KCND2: variants seen among roughly 807,000 people sequenced by gnomAD.
The protein encoded by KCND2 is A-type voltage-gated potassium channel KCND2.
Under a neutral mutation model 54.4 loss-of-function variants are expected in KCND2, and 16 were observed. The ratio of observed to expected loss-of-function variants is 0.29; its 90% CI spans 0.20 to 0.45. The LOEUF is 0.45. Ranked by LOEUF, KCND2 falls within the 20% of genes least tolerant of loss-of-function variation. The probability of loss-of-function intolerance (pLI) is 1.00; values close to 1 mark genes in which losing one functional copy is unlikely to be tolerated. For synonymous variants in KCND2, 317 were observed against 310.7 expected, an observed-to-expected ratio of 1.02 and a Z score of -0.21; for missense variants, 486 against 824.2, an observed-to-expected ratio of 0.59 and a Z score of 5.02.
At chr7:120,309,745 C>T (rs1799708608) in intron 1 of KCND2, among the ~76,000 whole-genome samples, 1 of 151,848 alleles carries the variant, frequency 6.6e-6, no homozygotes. Flanking sequence ...TCACTTAACC[C>T]TTCTAATCCA....
chr7:120,684,077 A>C (rs2116593492), intron 1 of KCND2, among the ~76,000 whole-genome samples: 1 of 152,256 alleles, frequency 6.6e-6, no homozygotes, highest in Admixed American at 6.6e-5. Context: ...TGTAATAAGA[A>C]AATGGAGTAC....
At chr7:120,644,907 G>A (rs762477493) in intron 1 of KCND2, among the ~76,000 whole-genome samples, 5 of 151,972 alleles carry the variant, frequency 3.3e-5, no homozygotes, top group East Asian at 3.8e-4. Context: ...AATATTTATT[G>A]AATGAATTCA....
intron 1 of KCND2, among the ~76,000 whole-genome samples, chr7:120,467,857 C>T (rs537215042): frequency 6.6e-6 from 1 of 152,114 alleles, no homozygotes; most frequent in Non-Finnish European, 1.5e-5. Flanking sequence ...AACCATTAGA[C>T]AATGAAAGTT....
intron 1 of KCND2, among the ~76,000 whole-genome samples, chr7:120,653,536 A>G (rs369145741): frequency 5.9e-5 from 9 of 152,176 alleles, no homozygotes; most frequent in East Asian, 1.9e-4. Flanking sequence ...GTTCCAAACC[A>G]TGTGTTTGGT....
chr7:120,303,482 C>T (rs2116299465), intron 1 of KCND2, among the ~76,000 whole-genome samples: 1 of 152,196 alleles, frequency 6.6e-6, no homozygotes, highest in South Asian at 2.1e-4. Flanking sequence ...ATGCTTTCTC[C>T]TAAAGTATCA....
intron 1 of KCND2, among the ~76,000 whole-genome samples, chr7:120,460,849 C>T (rs1802274238): frequency 6.6e-6 from 1 of 152,138 alleles, no homozygotes; most frequent in Non-Finnish European, 1.5e-5. Flanking sequence ...AGGCTTGGCA[C>T]ACTTCTGTAC....
At chr7:120,397,697 T>A (rs1342322566) in intron 1 of KCND2, among the ~76,000 whole-genome samples, 1 of 151,928 alleles carries the variant, frequency 6.6e-6, no homozygotes, top group Non-Finnish European at 1.5e-5. Flanking sequence ...TTCTGTTAGA[T>A]GAATTTTGTA....
At chr7:120,403,865 TA>T (rs933577319) in intron 1 of KCND2, among the ~76,000 whole-genome samples, 118 of 151,946 alleles carry the variant, frequency 7.8e-4, no homozygotes, top group African/African-American at 2.7e-3. Flanking sequence ...CTTCTGCCTA[TA>T]AAAAAAATTA....
intron 1 of KCND2, among the ~76,000 whole-genome samples, chr7:120,652,570 A>G (rs1159416356): frequency 2.0e-5 from 3 of 152,238 alleles, no homozygotes; most frequent in Non-Finnish European, 2.9e-5. Context: ...TAGCATATAT[A>G]ACTAATTAGA....
At chr7:120,347,577 G>C (rs1414139759) in intron 1 of KCND2, among the ~76,000 whole-genome samples, 2 of 151,984 alleles carry the variant, frequency 1.3e-5, no homozygotes, top group African/African-American at 4.8e-5. Context: ...GGCCAACATG[G>C]TGAAACCCCG....
intron 1 of KCND2, among the ~76,000 whole-genome samples, chr7:120,538,816 G>A (rs886380440): frequency 3.9e-5 from 6 of 152,092 alleles, no homozygotes; most frequent in South Asian, 2.1e-4. Context: ...TTATGAGCTC[G>A]GTGAGAAGGG....
chr7:120,727,674 G>T (rs1001375030), intron 1 of KCND2, among the ~76,000 whole-genome samples: 1 of 152,154 alleles, frequency 6.6e-6, no homozygotes, highest in African/African-American at 2.4e-5. Context: ...TTATGCAAAA[G>T]GCACTTCCAT....
At chr7:120,746,564 A>C (rs1194982844) in intron 5 of KCND2, among the ~76,000 whole-genome samples, 1 of 152,158 alleles carries the variant, frequency 6.6e-6, no homozygotes, top group African/African-American at 2.4e-5. Flanking sequence ...AACATAATAC[A>C]AAAAATAAGT....
intron 1 of KCND2, among the ~76,000 whole-genome samples, chr7:120,556,300 G>T (rs1235511319): frequency 1.3e-5 from 2 of 152,256 alleles, no homozygotes; most frequent in East Asian, 1.9e-4. Flanking sequence ...AACAATCTTT[G>T]TATTAAGTGT....
intron 1 of KCND2, among the ~76,000 whole-genome samples, chr7:120,615,897 C>T (rs1793017697): frequency 6.6e-6 from 1 of 152,200 alleles, no homozygotes; most frequent in Non-Finnish European, 1.5e-5. Context: ...GAACCGTTTT[C>T]AGGGAGTTCC....
intron 1 of KCND2, among the ~76,000 whole-genome samples, chr7:120,583,165 GATAAGGAAT>G (rs1792541764): frequency 6.6e-6 from 1 of 152,044 alleles, no homozygotes; most frequent in Non-Finnish European, 1.5e-5. Flanking sequence ...CAGGAGCATG[GATAAGGAAT>G]ACAGCGTAGC....
At chr7:120,627,682 C>A (rs895757352) in intron 1 of KCND2, among the ~76,000 whole-genome samples, 3 of 151,948 alleles carry the variant, frequency 2.0e-5, no homozygotes, top group African/African-American at 7.3e-5. Flanking sequence ...CAGTTTAAGG[C>A]AGGAGGAGTA....
intron 1 of KCND2, among the ~76,000 whole-genome samples, chr7:120,646,949 C>T (rs1562897670): frequency 6.6e-6 from 1 of 152,144 alleles, no homozygotes; most frequent in Admixed American, 6.5e-5. Flanking sequence ...CTTAAACTTT[C>T]GGATCCATTT....
At chr7:120,538,939 A>G (rs909370263) in intron 1 of KCND2, among the ~76,000 whole-genome samples, 7 of 152,170 alleles carry the variant, frequency 4.6e-5, no homozygotes, top group African/African-American at 1.7e-4. Context: ...TAGTAAAGGA[A>G]ACACTAACCA....
Sources: gnomAD v4.1 joint callset for allele counts (sites outside exome capture counted in the v4.1 genomes callset) on GRCh38, gnomAD v4.1.1 for gene constraint, MANE v1.5 for transcripts, NCBI Gene and HGNC (gene_info 2026-07-23, HGNC 2026-07-21) for gene names.